The following DNAH8 variants were observed in gnomAD, a reference collection of about 807,000 sequenced individuals.
The protein encoded by DNAH8 is dynein axonemal heavy chain 8.
A neutral mutation model predicts 562.1 loss-of-function variants in DNAH8; 382 were observed. The observed-to-expected ratio is 0.68, with a 90% CI of 0.63 to 0.74. The LOEUF (loss-of-function observed/expected upper bound fraction) is 0.74. DNAH8 is among the 30% of genes least tolerant of loss of function. DNAH8 has a pLI of 0.00. For missense variants in DNAH8, 5,203 were observed against 5,620.4 expected (o/e 0.93, Z 2.37); for synonymous variants, 1,881 against 1,919.4 (o/e 0.98, Z 0.52).
Position 38,917,350 on chromosome 6 carries a change from G to A in DNAH8, c.10252G>A (p.Val3418Ile), listed in dbSNP as rs532434864. ...LLLFQKKIDP[V>I]TMDPEKSCCK... ...ACTATTTCAAAAGAAAATTGACCCT[G>A]TTACTATGGATCCAGAAAAATCTTG... Residue 3418 changes from valine (V) to isoleucine (I), a missense_variant, in exon 69 of 93, where the codon GTT becomes ATT. Transcript: ENST00000327475. 1 of 1,613,652 alleles carries A rather than the reference G, an allele frequency of 6.2e-7. No homozygotes were observed. Among genetic ancestry groups the A allele is most frequent in the Non-Finnish European group, 8.5e-7 (1 of 1,179,722 alleles).
At chr6:38,769,446 T>G (rs931930262) in intron 11 of DNAH8, among the ~76,000 whole-genome samples, 1 of 152,154 alleles carries the variant, frequency 6.6e-6, no homozygotes, top group Non-Finnish European at 1.5e-5. Flanking sequence ...GATAATTGTT[T>G]TGGAGATTGT....
At chr6:38,919,230 A>T (rs1392895264) in intron 70 of DNAH8, among the ~76,000 whole-genome samples, 2 of 152,234 alleles carry the variant, frequency 1.3e-5, no homozygotes, top group African/African-American at 2.4e-5. Flanking sequence ...CAAATCCATT[A>T]GTATTTTCAG....
rs772138522 is a variant in DNAH8, at chr6:38,882,901, A to G, written c.7859-9A>G. The G allele has an allele frequency of 2.0e-6, 3 of 1,515,536 alleles. No individual in the cohort carries two copies. The Admixed American group carries it at 7.1e-5, about 36-fold the overall frequency. 93.9% of individuals were successfully genotyped at this position (1,515,536 alleles called of 1,614,324 possible). On this transcript the variant is annotated splice_polypyrimidine_tract_variant and intron_variant, in intron 53 of 92. Coordinates refer to ENST00000327475, the MANE Select transcript of DNAH8 (RefSeq NM_001206927.2). ...GTTCTATTAAGATGAAATTTTACTT[A>G]TTATATAGGTGATTGGGAGCACTGG...
intron 88 of DNAH8, among the ~76,000 whole-genome samples, chr6:39,007,031 G>A (rs1398288423): frequency 6.6e-6 from 1 of 152,096 alleles, no homozygotes; most frequent in East Asian, 1.9e-4. Flanking sequence ...TTATCTCTCT[G>A]GATTCCAGCA....
Position 38,866,771 on chromosome 6 carries a change from C to T in DNAH8, c.6588C>T (p.Ile2196=). 6.2e-7 allele frequency: 1 copy of T among 1,608,604 alleles called. No individual in the cohort carries two copies. The highest frequency in any genetic ancestry group is 8.5e-7 in the Non-Finnish European group (1 of 1,176,472). ...TVAMMVPDRQ[I]IMRVKLASCG... is the part of the protein sequence containing the mutation. ...AAACTCACTATATTAATTTTCAGATCATTATGAGAGTTAAACTTGCAAGCT... is the reference window on the plus strand; with the variant it reads ...AAACTCACTATATTAATTTTCAGATTATTATGAGAGTTAAACTTGCAAGCT... Residue 2196 remains isoleucine (I), a splice_region_variant and synonymous_variant, in exon 47 of 93, where the codon ATC becomes ATT. Transcript: ENST00000327475.
chr6:38,850,722 A>G (rs988791539), intron 38 of DNAH8, among the ~76,000 whole-genome samples: 1 of 152,178 alleles, frequency 6.6e-6, no homozygotes, highest in African/African-American at 2.4e-5. Context: ...GCTCCCTCTG[A>G]AGGCTCTAAG....
chr6:38,979,285 C>A (rs1018489086), intron 85 of DNAH8, among the ~76,000 whole-genome samples: 3 of 152,140 alleles, frequency 2.0e-5, no homozygotes, highest in African/African-American at 7.2e-5. Flanking sequence ...TTCTTGTCTC[C>A]AAGTCTTATT....
At chr6:38,993,759 TA>T (rs1231488009) in intron 88 of DNAH8, among the ~76,000 whole-genome samples, 6 of 152,214 alleles carry the variant, frequency 3.9e-5, no homozygotes, top group South Asian at 2.1e-4. Flanking sequence ...ATCTTCCTCA[TA>T]TTTTTTTTTA....
At position 38,848,726 on chromosome 6, in the gene DNAH8, G is replaced by C; in HGVS notation, c.5124G>C (p.Trp1708Cys). ...LSTSSDIIEE[W>C]LVVQNLWVYL... ...CTTCCTCAGATATAATTGAAGAGTG[G>C]CTCGTAGTACAGAACCTTTGGGTTT... is the stretch of plus-strand genomic sequence containing the variant. Residue 1708 changes from tryptophan (W) to cysteine (C), a missense_variant, in exon 37 of 93, where the codon TGG becomes TGC. Around this residue, in one of 6 missense-constraint regions of DNAH8, gnomAD observed 2,176 missense variants for 2,365.1 expected, o/e 0.92. Coordinates refer to ENST00000327475, the MANE Select transcript of DNAH8 (RefSeq NM_001206927.2). 1 of 1,613,128 alleles carries C rather than the reference G, an allele frequency of 6.2e-7. No individual in the cohort carries two copies. Among genetic ancestry groups the C allele is most frequent in the Non-Finnish European group, 8.5e-7 (1 of 1,179,304 alleles).
rs151289422 is a variant in DNAH8, at chr6:38,947,265, C to T, written c.12129+1677C>T. ...TCTCAGGAAGGTTGCAAAAGTTCAG[C>T]GGAGACCTGCAGTCAGGTGGCCATC... is the stretch of plus-strand genomic sequence containing the variant. On this transcript the variant is annotated intron_variant, in intron 80 of 92. Coordinates refer to ENST00000327475, the MANE Select transcript of DNAH8 (RefSeq NM_001206927.2). Among the ~76,000 whole-genome samples the T allele has an allele frequency of 1.6e-3, 249 of 152,272 alleles. 8 individuals are homozygous for T. The South Asian group carries it at 0.03, about 19-fold the overall frequency.
intron 5 of DNAH8, among the ~76,000 whole-genome samples, chr6:38,736,460 G>A (rs575898090): frequency 9.2e-5 from 14 of 152,190 alleles, no homozygotes; most frequent in African/African-American, 2.6e-4. Flanking sequence ...GAATCAAGAC[G>A]ACACCAAACT....
chr6:38,780,859 C>A (rs1768514872), intron 15 of DNAH8, among the ~76,000 whole-genome samples: 1 of 151,818 alleles, frequency 6.6e-6, no homozygotes, highest in Admixed American at 6.6e-5. Flanking sequence ...TAAAAAAAAA[C>A]TATCATATTG....
chr6:38,860,969 C>CT (rs1337589007), intron 43 of DNAH8, among the ~76,000 whole-genome samples: 3 of 152,062 alleles, frequency 2.0e-5, no homozygotes, highest in Admixed American at 2.0e-4. Context: ...TTAATTTAGT[C>CT]TTTTTTTCAG....
intron 21 of DNAH8, among the ~76,000 whole-genome samples, chr6:38,796,853 C>T (rs796606741): frequency 3.3e-5 from 5 of 152,262 alleles, no homozygotes; most frequent in Non-Finnish European, 5.9e-5. Flanking sequence ...CTCCACAACT[C>T]GGTGTCTGAG....
chr6:38,782,175 G>A (rs1184894273), intron 16 of DNAH8, among the ~76,000 whole-genome samples: 1 of 151,986 alleles, frequency 6.6e-6, no homozygotes, highest in African/African-American at 2.4e-5. Context: ...CTCAGTTGCT[G>A]ATTGACTTTG....
chr6:38,907,929 GA>G, intron 63 of DNAH8, 26 bp from the exon 64 acceptor site: 3 of 1,538,006 alleles, frequency 2.0e-6, no homozygotes, highest in Non-Finnish European at 2.6e-6. Flanking sequence ...TTAAAACACA[GA>G]ACACTTCCTT....
At chr6:39,002,300 C>A (rs530360664) in intron 88 of DNAH8, among the ~76,000 whole-genome samples, 1 of 152,210 alleles carries the variant, frequency 6.6e-6, no homozygotes, top group East Asian at 1.9e-4. Flanking sequence ...TGTAGTGTAC[C>A]TAATGCTAGA....
intron 63 of DNAH8, among the ~76,000 whole-genome samples, 186 bp downstream of exon 63, chr6:38,906,593 C>T (rs181158563): frequency 1.4e-3 from 209 of 152,226 alleles, no homozygotes; most frequent in African/African-American, 4.7e-3. Context: ...TCTCCAGATG[C>T]TTTGTTTAAT....
At chr6:38,925,566 A>G (rs937365229) in intron 73 of DNAH8, among the ~76,000 whole-genome samples, 1 of 152,018 alleles carries the variant, frequency 6.6e-6, no homozygotes, top group Non-Finnish European at 1.5e-5. Context: ...AATATTCACA[A>G]AAGTGTCATT....
Sources: gnomAD v4.1 joint callset for allele counts (sites outside exome capture counted in the v4.1 genomes callset) on GRCh38, gnomAD v4.1.1 for gene constraint, gnomAD v4.1.1 regional missense constraint, MANE v1.5 for transcripts, NCBI Gene and HGNC (gene_info 2026-07-23, HGNC 2026-07-21) for gene names.